Variants in KCNB2 observed in about 807,000 individuals in gnomAD.
The protein encoded by KCNB2 is potassium voltage-gated channel subfamily B member 2, also known as delayed rectifier potassium channel protein.
In KCNB2, 15 loss-of-function variants were observed where a neutral mutation model predicts 61.5. The ratio of observed to expected loss-of-function variants is 0.24; its 90% CI spans 0.16 to 0.38. KCNB2 has a LOEUF of 0.38. Ranked by LOEUF, KCNB2 falls within the 10% of genes least tolerant of loss-of-function variation. The probability of loss-of-function intolerance (pLI) is 1.00; values close to 1 mark genes in which losing one functional copy is unlikely to be tolerated. For missense variants in KCNB2, 828 were observed against 1,125.2 expected (o/e 0.74, Z 3.78); for synonymous variants, 457 against 446.0 (o/e 1.02, Z -0.31).
intron 2 of KCNB2, among the ~76,000 whole-genome samples, chr8:72,578,551 G>A (rs560302276): frequency 1.4e-4 from 21 of 152,188 alleles, no homozygotes; most frequent in South Asian, 6.2e-4. Flanking sequence ...TCGGTTTTAA[G>A]CCCTGGTCTT....
chr8:72,596,949 G>A (rs746609379), intron 2 of KCNB2, among the ~76,000 whole-genome samples: 1 of 144,180 alleles, frequency 6.9e-6, no homozygotes, highest in Non-Finnish European at 1.5e-5. Flanking sequence ...CCCAAACATT[G>A]CAGAAGCACT....
At chr8:72,655,692 T>C (rs1171020483) in intron 2 of KCNB2, among the ~76,000 whole-genome samples, 1 of 152,182 alleles carries the variant, frequency 6.6e-6, no homozygotes, top group Non-Finnish European at 1.5e-5. Flanking sequence ...GGAATTCTGC[T>C]GGTATATGTA....
chr8:72,841,385 T>TTTTTTTTTTTTTTTTC (rs1809884412), intron 2 of KCNB2, among the ~76,000 whole-genome samples: 1 of 85,268 alleles, frequency 1.2e-5, no homozygotes, highest in Non-Finnish European at 2.7e-5. Context: ...TTTTTTTTTT[T>TTTTTTTTTTTTTTTTC]TTTTTGCTTA....
intron 2 of KCNB2, among the ~76,000 whole-genome samples, chr8:72,731,401 T>A (rs1164302744): frequency 2.0e-5 from 3 of 152,242 alleles, no homozygotes; most frequent in Non-Finnish European, 4.4e-5. Context: ...GCAATCCTCA[T>A]TTTGAACATT....
intron 2 of KCNB2, among the ~76,000 whole-genome samples, chr8:72,743,566 C>T (rs1250053273): frequency 6.6e-6 from 1 of 152,152 alleles, no homozygotes; most frequent in East Asian, 1.9e-4. Flanking sequence ...GAACAAATTC[C>T]AATCCAAGAA....
At chr8:72,836,633 G>A (rs1380039946) in intron 2 of KCNB2, among the ~76,000 whole-genome samples, 3 of 152,182 alleles carry the variant, frequency 2.0e-5, no homozygotes, top group African/African-American at 4.8e-5. Context: ...TCAAGAGGAT[G>A]GGCATAGTGG....
rs562544925 is a variant in KCNB2 at position 72,814,390 on chromosome 8, A to G, written c.580-121545A>G. 1.1e-4 allele frequency among the ~76,000 whole-genome samples: 16 copies of G among 152,276 alleles called. No individual in the cohort carries two copies. In the South Asian group the frequency reaches 3.1e-3, roughly 30 times the overall value. The stretch of plus-strand genomic sequence containing the variant: ...AATTGACACGTCACTGAATAGGCAA[A>G]TGTTCAGCTTTTACAGGTACGACCA... On this transcript the variant is annotated intron_variant, in intron 2 of 2. Coordinates refer to ENST00000523207, the MANE Select transcript of KCNB2 (RefSeq NM_004770.3).
intron 2 of KCNB2, among the ~76,000 whole-genome samples, chr8:72,935,286 T>A (rs1210516276): frequency 6.6e-6 from 1 of 152,212 alleles, no homozygotes; most frequent in Non-Finnish European, 1.5e-5. Flanking sequence ...TTCTTCAAAC[T>A]CTTCTTTATG....
chr8:72,851,090 A>C (rs1810096276), intron 2 of KCNB2, among the ~76,000 whole-genome samples: 1 of 8,434 alleles, frequency 1.2e-4, no homozygotes, highest in South Asian at 3.2e-3. Context: ...TTATCTTCCT[A>C]GAAGCTAAAG....
intron 2 of KCNB2, among the ~76,000 whole-genome samples, chr8:72,743,388 C>T (rs79114790): frequency 0.067 from 10,213 of 152,130 alleles, 1,084 homozygotes; most frequent in African/African-American, 0.23. Flanking sequence ...GTGACCTGTA[C>T]CTTCCCTAGT....
chr8:72,793,366 T>C (rs986515033), intron 2 of KCNB2, among the ~76,000 whole-genome samples: 1 of 152,134 alleles, frequency 6.6e-6, no homozygotes, highest in Admixed American at 6.5e-5. Context: ...GAGGTGACAA[T>C]TGAGCCAAGA....
intron 2 of KCNB2, among the ~76,000 whole-genome samples, chr8:72,833,322 G>A (rs1030984): frequency 0.53 from 79,905 of 151,968 alleles, 21,654 homozygotes; most frequent in Admixed American, 0.59. Flanking sequence ...TGGGAGTAGG[G>A]AAAGGTAAGA....
At chr8:72,573,483 G>A (rs1375984979) in intron 2 of KCNB2, among the ~76,000 whole-genome samples, 1 of 152,228 alleles carries the variant, frequency 6.6e-6, no homozygotes, top group African/African-American at 2.4e-5. Flanking sequence ...AAAACATGAA[G>A]TGATGCAGTG....
intron 2 of KCNB2, among the ~76,000 whole-genome samples, chr8:72,593,497 G>A (rs958124113): frequency 1.3e-5 from 2 of 152,186 alleles, no homozygotes; most frequent in Non-Finnish European, 2.9e-5. Context: ...TCACTACTGA[G>A]GTCGGTATTG....
At chr8:72,840,722 G>A (rs1159442231) in intron 2 of KCNB2, among the ~76,000 whole-genome samples, 1 of 152,046 alleles carries the variant, frequency 6.6e-6, no homozygotes, top group African/African-American at 2.4e-5. Context: ...AGAAGTGTCT[G>A]TTCATATCCT....
chr8:72,576,092 A>T (rs781200252), intron 2 of KCNB2, among the ~76,000 whole-genome samples: 22 of 152,240 alleles, frequency 1.4e-4, no homozygotes, highest in Non-Finnish European at 2.5e-4. Flanking sequence ...TGATCAAAAC[A>T]TGGTATAGGA....
intron 2 of KCNB2, among the ~76,000 whole-genome samples, chr8:72,717,350 G>T (rs769158197): frequency 6.6e-6 from 1 of 152,080 alleles, no homozygotes; most frequent in African/African-American, 2.4e-5. Context: ...AGCTTGCATC[G>T]CCAAGTCAAT....
chr8:72,607,968 A>G (rs1325105185), intron 2 of KCNB2, among the ~76,000 whole-genome samples: 10 of 152,206 alleles, frequency 6.6e-5, no homozygotes, highest in African/African-American at 2.4e-4. Context: ...CATCTGCTAT[A>G]TGTCAGGCAC....
intron 2 of KCNB2, among the ~76,000 whole-genome samples, chr8:72,606,375 T>C (rs1805446898): frequency 6.6e-6 from 1 of 152,176 alleles, no homozygotes; most frequent in Non-Finnish European, 1.5e-5. Flanking sequence ...AAATACAGAA[T>C]TATAGATGGA....
Sources: allele counts gnomAD v4.1 joint callset (sites outside exome capture counted in the v4.1 genomes callset), GRCh38; gene constraint gnomAD v4.1.1; transcripts MANE v1.5; gene names NCBI Gene and HGNC (gene_info 2026-07-23, HGNC 2026-07-21).